The following FIP1L1 variants were observed in gnomAD, a reference collection of about 807,000 sequenced individuals.
FIP1L1 encodes factor interacting with PAPOLA and CPSF1, also known as pre-mRNA 3'-end-processing factor FIP1.
FIP1L1 carries 21 observed loss-of-function variants against 84.6 expected under a neutral mutation model. The ratio of observed to expected loss-of-function variants is 0.25; its 90% CI spans 0.18 to 0.36. The LOEUF is 0.36. FIP1L1 is among the 10% of genes least tolerant of loss of function. The pLI, the probability that FIP1L1 is intolerant of heterozygous loss-of-function variation, is 1.00. For missense variants in FIP1L1, 526 were observed against 751.1 expected, an observed-to-expected ratio of 0.70 and a Z score of 3.50; for synonymous variants, 263 against 242.3, an observed-to-expected ratio of 1.09 and a Z score of -0.80.
chr4:53,387,525 A>T (rs961249764), intron 5 of FIP1L1, among the ~76,000 whole-genome samples: 3 of 152,174 alleles, frequency 2.0e-5, no homozygotes, highest in Admixed American at 2.0e-4. Flanking sequence ...CTTCATAGGG[A>T]TCTATTGGAC....
At chr4:53,407,888 C>G (rs1028757021) in intron 10 of FIP1L1, among the ~76,000 whole-genome samples, 7 of 152,074 alleles carry the variant, frequency 4.6e-5, no homozygotes, top group African/African-American at 1.7e-4. Flanking sequence ...CTATGTGTGT[C>G]TCTGCATGTG....
chr4:53,399,942 C>T, intron 10 of FIP1L1, 103 bp downstream of exon 10: 1 of 760,238 alleles, frequency 1.3e-6, no homozygotes. Context: ...TACCAAAAAA[C>T]TGGAACATTT....
intron 4 of FIP1L1, 99 bp from the exon 5 acceptor site, chr4:53,383,674 A>G: frequency 8.6e-7 from 1 of 1,163,470 alleles, no homozygotes; most frequent in Non-Finnish European, 1.2e-6. Context: ...GACAGAAGAA[A>G]GAAAAAAAAA....
intron 1 of FIP1L1, chr4:53,378,836 T>C: frequency 1.9e-6 from 1 of 536,750 alleles, no homozygotes; most frequent in East Asian, 3.1e-5. Context: ...ATGCAGGTCC[T>C]TGATGATGTG....
chr4:53,384,777 G>A (rs1197385945), intron 5 of FIP1L1, among the ~76,000 whole-genome samples: 11 of 152,204 alleles, frequency 7.2e-5, no homozygotes, highest in African/African-American at 1.4e-4. Flanking sequence ...GAGAATAAGA[G>A]TCAATGTGTT....
At chr4:53,442,580 C>A in intron 13 of FIP1L1, 73 bp from the exon 14 acceptor site, 1 of 1,012,208 alleles carries the variant, frequency 9.9e-7, no homozygotes. Context: ...TAGTGATATG[C>A]AGCAACTTTG....
chr4:53,460,001 T>G lies in FIP1L1; in HGVS notation c.*552T>G, dbSNP rs1463132648. 1 of 211,266 alleles carries G rather than the reference T, an allele frequency of 4.7e-6. No individual in the cohort carries two copies. Among genetic ancestry groups the G allele is most frequent in the Admixed American group, 5.9e-5 (1 of 17,064 alleles). The allele number at this position is 211,266 out of a possible 1,614,324, so 13.1% of individuals were successfully genotyped here. The stretch of plus-strand genomic sequence containing the variant: ...CCTGGTGAAACCAAATGGGGTACAC[T>G]TTCATATCCAAATTAATAAAACCTA... On this transcript the variant is annotated 3_prime_UTR_variant, in exon 18 of 18. Transcript: ENST00000337488.
At chr4:53,406,240 A>G (rs1414715632) in intron 10 of FIP1L1, among the ~76,000 whole-genome samples, 2 of 152,188 alleles carry the variant, frequency 1.3e-5, no homozygotes, top group African/African-American at 2.4e-5. Context: ...AATTTTGTCA[A>G]AGGCCTTTTC....
chr4:53,433,832 T>C (rs1179327149), intron 13 of FIP1L1, among the ~76,000 whole-genome samples: 1 of 152,224 alleles, frequency 6.6e-6, no homozygotes, highest in African/African-American at 2.4e-5. Flanking sequence ...CCTAAAAGAC[T>C]GTTGTCTTGT....
chr4:53,454,729 C>T (rs577318500), intron 16 of FIP1L1, among the ~76,000 whole-genome samples: 2 of 152,132 alleles, frequency 1.3e-5, no homozygotes, highest in South Asian at 4.1e-4. Flanking sequence ...GCACCAACTT[C>T]AACTTAAAAA....
intron 12 of FIP1L1, 60 bp downstream of exon 12, chr4:53,426,025 T>A (rs1488335867): frequency 8.3e-7 from 1 of 1,202,746 alleles, no homozygotes; most frequent in Admixed American, 1.9e-5. Context: ...ACATTATAAT[T>A]TAATTTATTC....
At position 53,431,929 on chromosome 4, in the gene FIP1L1, G is replaced by A. The variant is rs371033276; in HGVS notation, c.1174+3746G>A. Among the ~76,000 whole-genome samples the A allele has an allele frequency of 2.6e-5, 4 of 152,260 alleles. No individual in the cohort carries two copies. In the East Asian group the frequency reaches 7.7e-4, roughly 29 times the overall value. On this transcript the variant is annotated intron_variant, in intron 13 of 17. Transcript: ENST00000337488. ...CACCCTTAAACACACACCTGCAAACGTATATGAAACTTTGCTAGTAACACA... is the reference window on the plus strand; with the variant it reads ...CACCCTTAAACACACACCTGCAAACATATATGAAACTTTGCTAGTAACACA...
chr4:53,389,922 C>A, intron 6 of FIP1L1, 49 bp downstream of exon 6: 1 of 1,396,764 alleles, frequency 7.2e-7, no homozygotes, highest in Non-Finnish European at 9.9e-7. Flanking sequence ...AGGCACATAT[C>A]TTAAATAGGT....
intron 11 of FIP1L1, among the ~76,000 whole-genome samples, chr4:53,420,230 C>T (rs1383979265): frequency 1.7e-5 from 2 of 120,528 alleles, no homozygotes; most frequent in Non-Finnish European, 3.3e-5. Context: ...AAAAAACCAG[C>T]CTGACCAACA....
intron 10 of FIP1L1, among the ~76,000 whole-genome samples, chr4:53,401,231 T>G (rs1319631632): frequency 6.6e-6 from 1 of 152,238 alleles, no homozygotes; most frequent in Non-Finnish European, 1.5e-5. Context: ...ATCAATAGTT[T>G]TTCTGTACTT....
At chr4:53,458,860 G>C (rs998206812) in intron 17 of FIP1L1, 70 bp downstream of exon 17, 3 of 1,520,494 alleles carry the variant, frequency 2.0e-6, no homozygotes, top group Non-Finnish European at 2.7e-6. Context: ...TGTCGCATTG[G>C]AAGAGGGGAA....
Position 53,417,763 on chromosome 4 carries a change from A to T in FIP1L1, c.923+3041A>T, listed in dbSNP as rs13134716. ...AACACACACACACACACACACACAC[A>T]CTCTCTCTCTCTCTCTCTCTCTCTC... On this transcript the variant is annotated intron_variant, in intron 11 of 17. Coordinates refer to ENST00000337488, the MANE Select transcript of FIP1L1 (RefSeq NM_030917.4). 1.3e-4 allele frequency among the ~76,000 whole-genome samples: 14 copies of T among 105,228 alleles called. No homozygotes were observed. The South Asian group carries it at 2.1e-3, about 16-fold the overall frequency. The allele number at this position is 105,228 out of a possible 152,430, so 69.0% of individuals were successfully genotyped here. A position where few individuals can be genotyped will look rare whatever the true frequency, so the allele number is the denominator to read the frequency against.
chr4:53,409,309 G>T (rs1453465875), intron 10 of FIP1L1, among the ~76,000 whole-genome samples: 1 of 152,150 alleles, frequency 6.6e-6, no homozygotes, highest in African/African-American at 2.4e-5. Flanking sequence ...GCAGAACAGC[G>T]GATTTTCGTG....
intron 10 of FIP1L1, among the ~76,000 whole-genome samples, chr4:53,413,410 T>C (rs1758050784): frequency 6.6e-6 from 1 of 152,140 alleles, no homozygotes; most frequent in African/African-American, 2.4e-5. Context: ...GAAATTTCCA[T>C]GTGTGTTTTT....
Sources: allele counts gnomAD v4.1 joint callset (sites outside exome capture counted in the v4.1 genomes callset), GRCh38; gene constraint gnomAD v4.1.1; transcripts MANE v1.5; gene names NCBI Gene and HGNC (gene_info 2026-07-23, HGNC 2026-07-21).